The following VWA3B variants were observed in gnomAD, a reference collection of about 807,000 sequenced individuals.
VWA3B encodes the protein von Willebrand factor A domain containing 3B.
A neutral mutation model predicts 158.3 loss-of-function variants in VWA3B; 138 were observed. That is an observed-to-expected ratio of 0.87 (90% CI 0.76 to 1.00). VWA3B has a LOEUF of 1.00. Among genes scored for constraint, VWA3B ranks in the 50% least tolerant of loss-of-function variants. The pLI is 0.00. For synonymous variants in VWA3B, 596 were observed against 587.3 expected (o/e 1.01, Z -0.21); for missense variants, 1,555 against 1,565.1 (o/e 0.99, Z 0.11).
At chr2:98,166,516 T>C (rs1679087024) in intron 8 of VWA3B, among the ~76,000 whole-genome samples, 1 of 152,090 alleles carries the variant, frequency 6.6e-6, no homozygotes, top group Non-Finnish European at 1.5e-5. Flanking sequence ...GGTGGCCGTC[T>C]CCTAGCCGGG....
Position 98,290,608 on chromosome 2 carries a change from GC to G in VWA3B, c.3144del (p.Tyr1050IlefsTer6). ...GTTATTGCAAGATGTGATGAAAATGGCTTTTATTTTCCAGGTAGTTTTTTTT... is the reference window on the plus strand; with the variant it reads ...GTTATTGCAAGATGTGATGAAAATGGTTTTATTTTCCAGGTAGTTTTTTTT... ...QKVIARCDEN[G>X]FYFPGVVKKC... On this transcript the variant is annotated frameshift_variant, in exon 23 of 28. Transcript: ENST00000477737. LOFTEE classifies it high-confidence loss of function. 1.3e-6 allele frequency: 2 copies of G among 1,594,696 alleles called. 1 individual carries two copies. Among genetic ancestry groups the G allele is most frequent in the South Asian group, 2.3e-5 (2 of 85,376 alleles).
Position 98,247,360 on chromosome 2 carries a change from G to A in VWA3B, c.2674-2958G>A, listed in dbSNP as rs902037423. 2.5e-4 allele frequency among the ~76,000 whole-genome samples: 38 copies of A among 152,018 alleles called. 1 individual carries two copies. The highest frequency in any genetic ancestry group is 8.5e-4 in the African/African-American group (35 of 41,368). On this transcript the variant is annotated intron_variant, in intron 19 of 27. Transcript: ENST00000477737. Reference sequence around the variant, plus strand: ...TTTTTATTCTCCTCCCAAACACAATGGGGGATTTTAGTACCTTTTAATTAG... The same window carrying A: ...TTTTTATTCTCCTCCCAAACACAATAGGGGATTTTAGTACCTTTTAATTAG...
intron 22 of VWA3B, among the ~76,000 whole-genome samples, chr2:98,282,131 C>T (rs1367554333): frequency 2.6e-5 from 4 of 152,186 alleles, no homozygotes. Flanking sequence ...TGTCATCTTT[C>T]TGGAACAAAG....
At chr2:98,140,745 A>T (rs1033273282) in intron 7 of VWA3B, among the ~76,000 whole-genome samples, 2 of 152,106 alleles carry the variant, frequency 1.3e-5, no homozygotes, top group African/African-American at 4.8e-5. Flanking sequence ...CTCTGTTAAT[A>T]AGCGTGGATT....
At chr2:98,163,321 C>G (rs1055315834) in intron 8 of VWA3B, among the ~76,000 whole-genome samples, 7 of 152,048 alleles carry the variant, frequency 4.6e-5, no homozygotes, top group Non-Finnish European at 1.0e-4. Context: ...GGGTGGATCA[C>G]GAGGTCAGGA....
chr2:98,224,104 T>C (rs1180644809), intron 14 of VWA3B, among the ~76,000 whole-genome samples: 1 of 152,228 alleles, frequency 6.6e-6, no homozygotes, highest in Non-Finnish European at 1.5e-5. Flanking sequence ...AAAGAACTTA[T>C]TGTTAGAAAA....
At chr2:98,154,130 G>A (rs1186535004) in intron 7 of VWA3B, among the ~76,000 whole-genome samples, 1 of 152,158 alleles carries the variant, frequency 6.6e-6, no homozygotes, top group Non-Finnish European at 1.5e-5. Context: ...CCAAAGTGCT[G>A]GGGTTACAGG....
At position 98,128,233 on chromosome 2, in the gene VWA3B, T is replaced by G. The variant is rs773588820; in HGVS notation, c.703-6T>G. 2.5e-6 allele frequency: 4 copies of G among 1,613,536 alleles called. No individual in the cohort carries two copies. The highest frequency in any genetic ancestry group is 1.7e-6 in the Non-Finnish European group (2 of 1,179,580). ...GAGATAAACCGTTGGCACCACTGTT[T>G]TGCAGATTGAATCCATTTACTACTT... On this transcript the variant is annotated splice_region_variant and splice_polypyrimidine_tract_variant and intron_variant, in intron 5 of 27. Transcript: ENST00000477737.
chr2:98,167,544 C>T (rs1679190459), intron 8 of VWA3B, among the ~76,000 whole-genome samples: 1 of 152,086 alleles, frequency 6.6e-6, no homozygotes, highest in African/African-American at 2.4e-5. Context: ...GTAGGTGGAG[C>T]CCAGAAAACA....
chr2:98,179,199 C>T (rs781253375), intron 8 of VWA3B: 84 of 470,950 alleles, frequency 1.8e-4, no homozygotes, highest in Admixed American at 2.6e-4. Context: ...CACAGTTCCT[C>T]ACCCCTCCTT....
intron 7 of VWA3B, among the ~76,000 whole-genome samples, chr2:98,140,713 C>T (rs1010857024): frequency 5.3e-5 from 8 of 152,122 alleles, no homozygotes; most frequent in African/African-American, 1.9e-4. Flanking sequence ...ACCACCCAGC[C>T]CCCAGCAGCT....
downstream of VWA3B, among the ~76,000 whole-genome samples, chr2:98,314,101 C>A (rs182063152): frequency 6.6e-6 from 1 of 152,192 alleles, no homozygotes; most frequent in Non-Finnish European, 1.5e-5. Flanking sequence ...ATTTCCCAGT[C>A]GCTTCCTGGA....
chr2:98,329,506 C>G, the VWA3B span, among the ~76,000 whole-genome samples: 2 of 150,040 alleles, frequency 1.3e-5, no homozygotes, highest in Admixed American at 6.6e-5. Context: ...GCAAACAACC[C>G]TTTTTTTTTA....
intron 13 of VWA3B, chr2:98,216,971 T>C (rs990611225): frequency 1.7e-5 from 22 of 1,257,520 alleles, no homozygotes; most frequent in Admixed American, 9.9e-5. Context: ...GTCATGTGTA[T>C]CATTGTAAGC....
intron 8 of VWA3B, among the ~76,000 whole-genome samples, chr2:98,178,438 C>T (rs1004124521): frequency 1.3e-5 from 2 of 152,198 alleles, no homozygotes; most frequent in Admixed American, 1.3e-4. Flanking sequence ...GTCCTTTACA[C>T]ATTATACAGA....
At chr2:98,267,885 A>G (rs1192649966) in intron 21 of VWA3B, among the ~76,000 whole-genome samples, 2 of 152,164 alleles carry the variant, frequency 1.3e-5, no homozygotes, top group Admixed American at 6.5e-5. Context: ...AGAAATACAA[A>G]CTACCATCAG....
chr2:98,278,750 TGGGGGGGTG>T (rs1449199083), intron 22 of VWA3B, among the ~76,000 whole-genome samples: 1 of 151,734 alleles, frequency 6.6e-6, no homozygotes, highest in Admixed American at 6.6e-5. Context: ...GGGTACAGGA[TGGGGGGGTG>T]GTGTGGGCCA....
intron 16 of VWA3B, among the ~76,000 whole-genome samples, chr2:98,231,132 A>T (rs1685309788): frequency 6.6e-6 from 1 of 152,228 alleles, no homozygotes; most frequent in Non-Finnish European, 1.5e-5. Flanking sequence ...TAAGACACTA[A>T]AGAAGATCTA....
intron 6 of VWA3B, among the ~76,000 whole-genome samples, chr2:98,129,793 A>C (rs1158129533): frequency 1.3e-5 from 2 of 152,102 alleles, no homozygotes; most frequent in Admixed American, 6.5e-5. Context: ...TCCTTTCCTA[A>C]GTTCTCCTTG....
Sources: gnomAD v4.1 joint callset for allele counts (sites outside exome capture counted in the v4.1 genomes callset) on GRCh38, gnomAD v4.1.1 for gene constraint, MANE v1.5 for transcripts, NCBI Gene and HGNC (gene_info 2026-07-23, HGNC 2026-07-21) for gene names.